The following ADCY7 variants were observed in gnomAD, a reference collection of about 807,000 sequenced individuals.
ADCY7 encodes adenylate cyclase type 7.
A neutral mutation model predicts 120.6 loss-of-function variants in ADCY7; 72 were observed. The observed-to-expected ratio is 0.60, with a 90% CI of 0.49 to 0.73. The LOEUF (loss-of-function observed/expected upper bound fraction) is 0.73, where lower values mean the gene tolerates loss of function less well. ADCY7 is among the 30% of genes least tolerant of loss of function. ADCY7 has a pLI of 0.00. For missense variants in ADCY7, 1,227 were observed against 1,486.0 expected, an observed-to-expected ratio of 0.83 and a Z score of 2.87; for synonymous variants, 661 against 628.0, an observed-to-expected ratio of 1.05 and a Z score of -0.78.
intron 19 of ADCY7, among the ~76,000 whole-genome samples, chr16:50,311,240 G>A (rs1293386203): frequency 6.6e-6 from 1 of 152,170 alleles, no homozygotes; most frequent in Non-Finnish European, 1.5e-5. Flanking sequence ...TGGCAGGGCT[G>A]GGGTGTGTGG....
At chr16:50,291,711 C>T (rs533830920) in intron 3 of ADCY7, 25 bp from the exon 4 acceptor site, 51 of 1,613,468 alleles carry the variant, frequency 3.2e-5, no homozygotes, top group South Asian at 3.0e-4. Context: ...CTTGGGGCAC[C>T]GGGCTCACCA....
chr16:50,299,224 G>GT (rs1372402086), intron 8 of ADCY7, among the ~76,000 whole-genome samples, 193 bp downstream of exon 8: 6 of 152,230 alleles, frequency 3.9e-5, no homozygotes, highest in African/African-American at 1.4e-4. Flanking sequence ...CCTCCCTGTG[G>GT]TGCTGCCTGT....
At chr16:50,272,930 G>A (rs1433318147) in intron 1 of ADCY7, among the ~76,000 whole-genome samples, 1 of 152,156 alleles carries the variant, frequency 6.6e-6, no homozygotes, top group Non-Finnish European at 1.5e-5. Flanking sequence ...CAGACTCCCT[G>A]GAGACACTGC....
Position 50,297,774 on chromosome 16 carries a change from C to T in ADCY7, c.949-1130C>T, listed in dbSNP as rs1401243727. Among the ~76,000 whole-genome samples the T allele has an allele frequency of 6.6e-6, 1 of 152,120 alleles. No homozygotes were observed. The highest frequency in any genetic ancestry group is 6.5e-5 in the Admixed American group (1 of 15,274). ...GTGTTCCAGGAGCAGGCCTAGCCCTCGTGAGCCTGCAGGACAGAGCCCTCT... is the reference window on the plus strand; with the variant it reads ...GTGTTCCAGGAGCAGGCCTAGCCCTTGTGAGCCTGCAGGACAGAGCCCTCT... On this transcript the variant is annotated intron_variant, in intron 7 of 25. Transcript: ENST00000673801. This position sits in a 1 kb window ranked among gnomAD's most constrained non-coding sequence, Gnocchi z 4.4.
At chr16:50,310,943 C>T (rs2151084406) in intron 19 of ADCY7, 63 bp downstream of exon 19, 1 of 1,474,574 alleles carries the variant, frequency 6.8e-7, no homozygotes, top group Non-Finnish European at 9.1e-7. Context: ...TGCCTGCCTG[C>T]TCGCACCAAG....
chr16:50,288,547 G>T (rs540642149), intron 2 of ADCY7, among the ~76,000 whole-genome samples, 197 bp downstream of exon 2: 1 of 152,012 alleles, frequency 6.6e-6, no homozygotes, highest in South Asian at 2.1e-4. Context: ...GCATGATCTC[G>T]GCTCACTGCA....
At chr16:50,283,300 C>A (rs1201707724) in intron 1 of ADCY7, among the ~76,000 whole-genome samples, 1 of 152,186 alleles carries the variant, frequency 6.6e-6, no homozygotes, top group Non-Finnish European at 1.5e-5. Context: ...GCTCCTGTGA[C>A]CCCAGGAGGT....
At chr16:50,305,966 C>T in intron 14 of ADCY7, 117 bp downstream of exon 14, 1 of 1,001,202 alleles carries the variant, frequency 1.0e-6, no homozygotes, top group Non-Finnish European at 1.5e-6. Context: ...GGGAGGGGCA[C>T]TGAGAATCCA....
rs758339490 is a variant in ADCY7 at position 50,294,771 on chromosome 16, A to G, written c.948+20A>G. 16 of 1,573,514 alleles carry G rather than the reference A, an allele frequency of 1.0e-5. No individual in the cohort carries two copies. The South Asian group carries it at 1.5e-4, about 14-fold the overall frequency. ...GCCAAGGTGAGCCCGCTGGCCTACA[A>G]TGGGCAAAGCCAGGCCCCTCCCCTG... On this transcript the variant is annotated intron_variant, in intron 7 of 25. Coordinates refer to ENST00000673801, the MANE Select transcript of ADCY7 (RefSeq NM_001114.5).
At chr16:50,247,129 G>A (rs926810982) in intron 1 of ADCY7, among the ~76,000 whole-genome samples, 2 of 152,264 alleles carry the variant, frequency 1.3e-5, no homozygotes, top group African/African-American at 2.4e-5. Flanking sequence ...CAGCTGTGGG[G>A]ACTTAGGCAG....
intron 10 of ADCY7, among the ~76,000 whole-genome samples, chr16:50,303,383 G>A (rs1015717891): frequency 1.3e-5 from 2 of 152,222 alleles, no homozygotes; most frequent in African/African-American, 4.8e-5. Context: ...CTTATCGAGT[G>A]CTTGTAGCTG....
At chr16:50,276,951 T>G (rs1248556104) in intron 1 of ADCY7, among the ~76,000 whole-genome samples, 1 of 152,154 alleles carries the variant, frequency 6.6e-6, no homozygotes, top group Non-Finnish European at 1.5e-5. Context: ...TACACATTTT[T>G]TTTTTTTTAG....
chr16:50,262,403 C>T (rs948083748), upstream of ADCY7, among the ~76,000 whole-genome samples: 1 of 152,098 alleles, frequency 6.6e-6, no homozygotes, highest in South Asian at 2.1e-4. Context: ...GATTCAGGTG[C>T]CCGCCACAAT....
chr16:50,290,044 C>T (rs1302684090), intron 2 of ADCY7, among the ~76,000 whole-genome samples: 1 of 152,230 alleles, frequency 6.6e-6, no homozygotes, highest in Non-Finnish European at 1.5e-5. Context: ...TGGTATCCCT[C>T]ACCAGCCTCT....
Position 50,314,051 on chromosome 16 carries a change from C to A in ADCY7, c.2845C>A (p.His949Asn), listed in dbSNP as rs1294147803. ...AAAGLSVASG[H>N]ENQELERQHA... is the part of the protein sequence containing the mutation. ...TGCAGGGCTCAGCGTCGCCTCAGGG[C>A]ACGAGAACCAGGTACTCAAGCCCAA... The change falls in exon 23 of 26, where the codon CAC (histidine) becomes AAC (asparagine). Residue 949 changes from histidine (H) to asparagine (N), a missense_variant. His to Asn is a moderately conservative substitution (Grantham distance 68). Transcript: ENST00000673801. 5 of 1,613,714 alleles carry A rather than the reference C, an allele frequency of 3.1e-6. No homozygotes were observed. In the African/African-American group the frequency reaches 5.3e-5, roughly 17 times the overall value.
rs529816156 is a variant in ADCY7 at position 50,283,311 on chromosome 16, G to A, written c.-268-4601G>A. Among the ~76,000 whole-genome samples, 8 of 152,348 alleles carry A rather than the reference G, an allele frequency of 5.3e-5. No homozygotes were observed. In the South Asian group the frequency reaches 1.7e-3, roughly 32 times the overall value. On this transcript the variant is annotated intron_variant, in intron 1 of 25. Transcript: ENST00000673801. Reference sequence around the variant, plus strand: ...GCTGGCTCCTGTGACCCCAGGAGGTGTTGCCAGGCCCCTGTCTTGTGCCAG... The same window carrying A: ...GCTGGCTCCTGTGACCCCAGGAGGTATTGCCAGGCCCCTGTCTTGTGCCAG...
intron 19 of ADCY7, among the ~76,000 whole-genome samples, chr16:50,311,459 G>A (rs1378568659): frequency 1.3e-5 from 2 of 152,170 alleles, no homozygotes; most frequent in South Asian, 4.1e-4. Flanking sequence ...CATCACAGCT[G>A]ATTCTGGTCA....
intron 1 of ADCY7, among the ~76,000 whole-genome samples, chr16:50,269,186 C>T (rs918538289): frequency 6.6e-6 from 1 of 152,242 alleles, no homozygotes; most frequent in African/African-American, 2.4e-5. Context: ...CGTTCACCTC[C>T]AGTTTACAGA....
At chr16:50,315,189 G>C (rs1443016081) in intron 25 of ADCY7, 51 bp downstream of exon 25, 4 of 1,603,408 alleles carry the variant, frequency 2.5e-6, no homozygotes, top group African/African-American at 1.3e-5. Flanking sequence ...ATCTTCCCCA[G>C]AGGTGAGGGG....
Sources: gnomAD v4.1 joint callset for allele counts (sites outside exome capture counted in the v4.1 genomes callset) on GRCh38, gnomAD v4.1.1 for gene constraint, Gnocchi (gnomAD v3.1) non-coding constraint, MANE v1.5 for transcripts, NCBI Gene and HGNC (gene_info 2026-07-23, HGNC 2026-07-21) for gene names.